Variants in MDGA2 observed in about 807,000 individuals in gnomAD.
MDGA2 encodes the protein MAM domain containing glycosylphosphatidylinositol anchor 2.
MDGA2 carries 40 observed loss-of-function variants against 117.8 expected under a neutral mutation model. The ratio of observed to expected loss-of-function variants is 0.34; its 90% CI spans 0.26 to 0.44. The LOEUF is 0.44. MDGA2 is among the 20% of genes least tolerant of loss of function. The pLI, the probability that MDGA2 is intolerant of heterozygous loss-of-function variation, is 1.00. For missense variants in MDGA2, 1,123 were observed against 1,250.6 expected, an observed-to-expected ratio of 0.90 and a Z score of 1.54; for synonymous variants, 452 against 439.0, an observed-to-expected ratio of 1.03 and a Z score of -0.37.
In MDGA2 at chr14:47,570,238, C is replaced by A. The variant is rs114314427; in HGVS notation, c.280+104279G>T. ...ACTTAAAGAAATAATAGACATAGGACCCACTTAGTATCCTCAATATATTAT... is the reference window on the plus strand; with the variant it reads ...ACTTAAAGAAATAATAGACATAGGAACCACTTAGTATCCTCAATATATTAT... On this transcript the variant is annotated intron_variant, in intron 1 of 16. Transcript: ENST00000399232. Among the ~76,000 whole-genome samples the A allele has an allele frequency of 2.8e-3, 419 of 152,092 alleles. 2 individuals are homozygous for A. The highest frequency in any genetic ancestry group is 9.4e-3 in the African/African-American group (392 of 41,508).
rs895257850 is a variant in MDGA2, at chr14:47,457,484, T to A, written c.281-155934A>T. 5.3e-5 allele frequency among the ~76,000 whole-genome samples: 8 copies of A among 152,276 alleles called. No homozygotes were observed. In the South Asian group the frequency reaches 1.5e-3, roughly 28 times the overall value. ...TTCAAGACGCTATGTGGTAAGCCAT[T>A]CTGAAATGGTATAAACAATAATTTA... On this transcript the variant is annotated intron_variant, in intron 1 of 16. Transcript: ENST00000399232.
At chr14:47,081,636 G>C (rs1417578833) in intron 6 of MDGA2, among the ~76,000 whole-genome samples, 2 of 152,106 alleles carry the variant, frequency 1.3e-5, no homozygotes, top group Non-Finnish European at 2.9e-5. Flanking sequence ...TAAAATTGCT[G>C]TATTACATAC....
At chr14:47,135,689 C>A (rs1023161017) in intron 4 of MDGA2, among the ~76,000 whole-genome samples, 2 of 151,946 alleles carry the variant, frequency 1.3e-5, no homozygotes, top group Non-Finnish European at 2.9e-5. Flanking sequence ...AAGGTCATTT[C>A]AAAAACCGTT....
chr14:46,881,443 A>G (rs1032731143), intron 11 of MDGA2, among the ~76,000 whole-genome samples: 1 of 152,194 alleles, frequency 6.6e-6, no homozygotes, highest in Non-Finnish European at 1.5e-5. Context: ...GAAATTATAT[A>G]CACTTGTCAA....
rs191836668 is a variant in MDGA2 at position 47,598,711 on chromosome 14, T to C, written c.280+75806A>G. 6.4e-3 allele frequency among the ~76,000 whole-genome samples: 975 copies of C among 152,274 alleles called. 15 individuals carry two copies. Among genetic ancestry groups the C allele is most frequent in the African/African-American group, 0.022 (920 of 41,572 alleles). On this transcript the variant is annotated intron_variant, in intron 1 of 16. Transcript: ENST00000399232. Reference sequence around the variant, plus strand: ...GTTATTGTTTAATGGGTACAGTTTATGTTAGAGATAATTTCTGAAAAGATT... The same window carrying C: ...GTTATTGTTTAATGGGTACAGTTTACGTTAGAGATAATTTCTGAAAAGATT...
At chr14:47,482,476 C>T (rs533522519) in intron 1 of MDGA2, among the ~76,000 whole-genome samples, 2 of 152,108 alleles carry the variant, frequency 1.3e-5, no homozygotes, top group South Asian at 2.1e-4. Context: ...TGTCTTTCAC[C>T]GGGCTTCAGC....
At chr14:47,217,433 G>C (rs983933530) in intron 3 of MDGA2, among the ~76,000 whole-genome samples, 6 of 151,944 alleles carry the variant, frequency 3.9e-5, no homozygotes, top group African/African-American at 1.2e-4. Context: ...GTAGGAAAAT[G>C]AGACTAAGAA....
At chr14:47,269,883 T>C (rs778782588) in intron 2 of MDGA2, among the ~76,000 whole-genome samples, 13 of 152,150 alleles carry the variant, frequency 8.5e-5, no homozygotes, top group Non-Finnish European at 1.3e-4. Flanking sequence ...TGAAATAAAG[T>C]CTGGAAAAAC....
chr14:47,593,559 G>A (rs186102790), intron 1 of MDGA2, among the ~76,000 whole-genome samples: 17 of 152,134 alleles, frequency 1.1e-4, no homozygotes, highest in African/African-American at 3.6e-4. Flanking sequence ...GAAAAGGAAC[G>A]AGACCATGTC....
chr14:47,667,912 G>A (rs953216221), intron 1 of MDGA2, among the ~76,000 whole-genome samples: 20 of 152,144 alleles, frequency 1.3e-4, no homozygotes, highest in Non-Finnish European at 2.8e-4. Context: ...GATTTGAGCA[G>A]GAACAGCAAG....
chr14:47,252,323 G>A (rs1179243198), intron 2 of MDGA2, among the ~76,000 whole-genome samples: 1 of 151,954 alleles, frequency 6.6e-6, no homozygotes, highest in Non-Finnish European at 1.5e-5. Context: ...ACCACTTTCA[G>A]AACAGAATAG....
At chr14:47,002,970 T>C (rs1222660286) in intron 8 of MDGA2, among the ~76,000 whole-genome samples, 1 of 152,102 alleles carries the variant, frequency 6.6e-6, no homozygotes, top group Non-Finnish European at 1.5e-5. Context: ...CCAAGTTTCT[T>C]CATGCTCCTT....
chr14:47,397,297 A>G (rs533104070), intron 1 of MDGA2, among the ~76,000 whole-genome samples: 16 of 152,206 alleles, frequency 1.1e-4, no homozygotes, highest in African/African-American at 3.1e-4. Flanking sequence ...ACATAAACAC[A>G]GGGAGGGTAA....
intron 1 of MDGA2, among the ~76,000 whole-genome samples, chr14:47,334,228 T>C (rs1020368423): frequency 6.6e-6 from 1 of 151,878 alleles, no homozygotes; most frequent in Admixed American, 6.6e-5. Flanking sequence ...AGTTGAGATA[T>C]ATCAGACCTG....
intron 7 of MDGA2, among the ~76,000 whole-genome samples, chr14:47,053,192 C>A (rs1393677776): frequency 6.6e-6 from 1 of 151,930 alleles, no homozygotes; most frequent in African/African-American, 2.4e-5. Context: ...CAGTCATTCT[C>A]ATTTGCTTCA....
chr14:47,491,957 A>G (rs1894178795), intron 1 of MDGA2, among the ~76,000 whole-genome samples: 1 of 152,124 alleles, frequency 6.6e-6, no homozygotes, highest in African/African-American at 2.4e-5. Context: ...CTATAATTAA[A>G]TAAATTATTT....
chr14:47,070,928 G>A (rs1009237570), intron 6 of MDGA2, among the ~76,000 whole-genome samples: 1 of 152,148 alleles, frequency 6.6e-6, no homozygotes, highest in African/African-American at 2.4e-5. Context: ...CTTCCTATTA[G>A]TTCACCCAGC....
At chr14:47,162,138 G>T (rs1883667633) in intron 3 of MDGA2, among the ~76,000 whole-genome samples, 1 of 151,518 alleles carries the variant, frequency 6.6e-6, no homozygotes, top group Non-Finnish European at 1.5e-5. Context: ...GTAGAAGCAG[G>T]ATTTCACCGT....
chr14:47,589,417 G>T (rs1896394375), intron 1 of MDGA2, among the ~76,000 whole-genome samples: 1 of 151,940 alleles, frequency 6.6e-6, no homozygotes, highest in African/African-American at 2.4e-5. Context: ...ATTTGTCCCA[G>T]TACCATTATT....
Sources: allele counts gnomAD v4.1 joint callset (sites outside exome capture counted in the v4.1 genomes callset), GRCh38; gene constraint gnomAD v4.1.1; transcripts MANE v1.5; gene names NCBI Gene and HGNC (gene_info 2026-07-23, HGNC 2026-07-21).